Variants in ALDH7A1 observed in about 807,000 individuals in gnomAD.
The protein encoded by ALDH7A1 is alpha-aminoadipic semialdehyde dehydrogenase.
Under a neutral mutation model 79.9 loss-of-function variants are expected in ALDH7A1, and 63 were observed. The observed-to-expected ratio is 0.79, with a 90% CI of 0.64 to 0.97. The LOEUF (loss-of-function observed/expected upper bound fraction) is 0.97. Ranked by LOEUF, ALDH7A1 falls within the 50% of genes least tolerant of loss-of-function variation. The pLI is 0.00. For missense variants in ALDH7A1, 627 were observed against 665.2 expected, an observed-to-expected ratio of 0.94 and a Z score of 0.63; for synonymous variants, 240 against 231.2, an observed-to-expected ratio of 1.04 and a Z score of -0.34.
At position 126,577,181 on chromosome 5, in the gene ALDH7A1, T is replaced by C. The variant is rs1751005045; in HGVS notation, c.548A>G (p.Asn183Ser). ...RSGHALIEQW[N>S]PVGLVGIITA... is the part of the protein sequence containing the mutation. The stretch of plus-strand genomic sequence containing the variant: ...GATGATTCCAACCAGGCCTACGGGA[T>C]TCCACTGCTCAATCAGTGCATGGCC... The change falls in exon 6 of 18, where the codon AAT becomes AGT. Residue 183 changes from asparagine (N) to serine (S), a missense_variant. By Grantham distance (46) the Asn-to-Ser change is conservative (BLOSUM62 1). Transcript: ENST00000409134. The C allele has an allele frequency of 1.2e-6, 2 of 1,614,042 alleles. No homozygotes were observed. The highest frequency in any genetic ancestry group is 1.3e-5 in the African/African-American group (1 of 74,920).
chr5:126,572,431 A>G (rs1750807098), intron 7 of ALDH7A1, among the ~76,000 whole-genome samples: 1 of 152,174 alleles, frequency 6.6e-6, no homozygotes, highest in African/African-American at 2.4e-5. Flanking sequence ...TTTTGTGCCT[A>G]TGGGTAAAGG....
Position 126,564,611 on chromosome 5 carries a change from A to G in ALDH7A1, c.872-3487T>C, listed in dbSNP as rs187551213. The G allele has an allele frequency of 4.1e-6, 5 of 1,229,538 alleles. No homozygotes were observed. In the East Asian group the frequency reaches 1.6e-4, roughly 39 times the overall value. 76.2% of individuals were successfully genotyped at this position (1,229,538 alleles called of 1,614,324 possible). On this transcript the variant is annotated intron_variant, in intron 9 of 17. Transcript: ENST00000409134. ...CATTGCTCTGAAACAGGTAAGCATC[A>G]AGTGAATATTAATTATGAAGACATG...
chr5:126,582,867 AG>A lies in ALDH7A1; in HGVS notation c.500del (p.Pro167LeufsTer12). The A allele has an allele frequency of 6.2e-7, 1 of 1,612,648 alleles. No homozygotes were observed. The highest frequency in any genetic ancestry group is 8.5e-7 in the Non-Finnish European group (1 of 1,179,946). ...AVGLSRMIGG[P>X]ILPSERSGHA... ...ATTGCTTACTTTCAGAAGGCAAGATAGGTCCTCCAATCATCCTTGATAAACC... is the reference window on the plus strand; with the variant it reads ...ATTGCTTACTTTCAGAAGGCAAGATAGTCCTCCAATCATCCTTGATAAACC... On this transcript the variant is annotated frameshift_variant, in exon 5 of 18. Transcript: ENST00000409134. LOFTEE classifies it high-confidence loss of function.
At chr5:126,589,767 C>A (rs114854901) in intron 3 of ALDH7A1, among the ~76,000 whole-genome samples, 1,939 of 151,032 alleles carry the variant, frequency 0.013, 33 homozygotes, top group African/African-American at 0.036. Context: ...AGCCACCCAA[C>A]TGACTGGGAA....
rs1190104947 is a variant in ALDH7A1 at position 126,556,031 on chromosome 5, T to A, written c.1009-16A>T. The A allele has an allele frequency of 1.9e-6, 3 of 1,572,032 alleles. No individual in the cohort carries two copies. The African/African-American group carries it at 4.1e-5, about 21-fold the overall frequency. ...CATGTATAAACTAAACGAAAAAAGA[T>A]ATTCAAGGGCATAGTATGATAAATG... On this transcript the variant is annotated splice_polypyrimidine_tract_variant and intron_variant, in intron 11 of 17. Transcript: ENST00000409134.
chr5:126,572,862 T>A (rs985803465), intron 7 of ALDH7A1, among the ~76,000 whole-genome samples: 9 of 152,340 alleles, frequency 5.9e-5, no homozygotes, highest in African/African-American at 2.2e-4. Flanking sequence ...CAAGCTATGC[T>A]GCTGTCCTAT....
chr5:126,563,781 G>A (rs1016814479), intron 9 of ALDH7A1, among the ~76,000 whole-genome samples: 2 of 151,878 alleles, frequency 1.3e-5, no homozygotes, highest in South Asian at 2.1e-4. Flanking sequence ...TTGAGCCATC[G>A]CAACCGGCCC....
chr5:126,563,629 T>A (rs1041972630), intron 9 of ALDH7A1, among the ~76,000 whole-genome samples: 8 of 152,136 alleles, frequency 5.3e-5, no homozygotes, highest in Non-Finnish European at 1.2e-4. Context: ...TAGCTGGGAC[T>A]ACAGGCATGC....
At chr5:126,550,443 T>A in intron 14 of ALDH7A1, 150 bp from the exon 15 acceptor site, 1 of 678,286 alleles carries the variant, frequency 1.5e-6, no homozygotes, top group Non-Finnish European at 2.5e-6. Flanking sequence ...GTTTCTCTTA[T>A]AATTCAGATC....
chr5:126,546,130 T>A (rs1749778946), intron 17 of ALDH7A1, among the ~76,000 whole-genome samples, 194 bp downstream of exon 17: 1 of 152,128 alleles, frequency 6.6e-6, no homozygotes, highest in African/African-American at 2.4e-5. Context: ...TGTTGGGTGC[T>A]GGGCACTAGC....
At chr5:126,582,287 T>A (rs2112801896) in intron 5 of ALDH7A1, 1 of 394,722 alleles carries the variant, frequency 2.5e-6, no homozygotes, top group East Asian at 3.6e-5. Context: ...CTGATATGAA[T>A]CTATCGTTTC....
intron 5 of ALDH7A1, chr5:126,581,295 G>C (rs1751167100): frequency 6.6e-6 from 1 of 152,080 alleles, no homozygotes; most frequent in Non-Finnish European, 1.5e-5. Flanking sequence ...TAACAAAATA[G>C]ATAGCTGCAA....
intron 3 of ALDH7A1, chr5:126,588,409 G>A (rs932730126): frequency 6.6e-6 from 1 of 152,128 alleles, no homozygotes; most frequent in Non-Finnish European, 1.5e-5. Flanking sequence ...AGTCTAGGAG[G>A]CAGAGGTTGC....
chr5:126,550,166 T>A (rs1030404818), intron 15 of ALDH7A1, 30 bp downstream of exon 15: 3 of 1,599,394 alleles, frequency 1.9e-6, no homozygotes, highest in Non-Finnish European at 1.7e-6. Context: ...ATCAGACTTA[T>A]ATAAATTTTC....
At chr5:126,592,465 G>A in intron 3 of ALDH7A1, 199 bp downstream of exon 3, 1 of 600,360 alleles carries the variant, frequency 1.7e-6, no homozygotes, top group Non-Finnish European at 2.9e-6. Flanking sequence ...TGAATGGCAA[G>A]TACAAAAAAG....
intron 16 of ALDH7A1, among the ~76,000 whole-genome samples, chr5:126,546,617 G>A (rs1395167350): frequency 1.4e-5 from 2 of 147,164 alleles, no homozygotes; most frequent in Admixed American, 6.8e-5. Flanking sequence ...TAAAATATAA[G>A]GAATTAAGAA....
intron 10 of ALDH7A1, 107 bp downstream of exon 10, chr5:126,560,976 G>T: frequency 8.2e-7 from 1 of 1,224,242 alleles, no homozygotes; most frequent in Non-Finnish European, 1.2e-6. Flanking sequence ...TAGGTCTCAG[G>T]CATATGCAAC....
At chr5:126,559,099 G>A in intron 11 of ALDH7A1, 141 bp downstream of exon 11, 2 of 707,060 alleles carry the variant, frequency 2.8e-6, no homozygotes, top group Non-Finnish European at 5.1e-6. Flanking sequence ...AGCACAGAAA[G>A]AGAACTGGAC....
chr5:126,546,924 GGGAAAGAATCTCCATTA>G (rs1484112370), intron 16 of ALDH7A1, among the ~76,000 whole-genome samples: 10 of 152,216 alleles, frequency 6.6e-5, no homozygotes, highest in Non-Finnish European at 1.5e-4. Flanking sequence ...TCTCATGAGA[GGGAAAGAATCTCCATTA>G]AATGGGTTCC....
Sources: gnomAD v4.1 joint callset for allele counts (sites outside exome capture counted in the v4.1 genomes callset) on GRCh38, gnomAD v4.1.1 for gene constraint, MANE v1.5 for transcripts, NCBI Gene and HGNC (gene_info 2026-07-23, HGNC 2026-07-21) for gene names.